Variants in SHISA6 observed in about 807,000 individuals in gnomAD.
SHISA6 encodes shisa family member 6.
Under a neutral mutation model 47.9 loss-of-function variants are expected in SHISA6, and 22 were observed. The ratio of observed to expected loss-of-function variants is 0.46; its 90% CI spans 0.33 to 0.66. The LOEUF is 0.66. Ranked by LOEUF, SHISA6 falls within the 30% of genes least tolerant of loss-of-function variation. The probability of loss-of-function intolerance (pLI) is 0.02; values close to 1 mark genes in which losing one functional copy is unlikely to be tolerated. For missense variants in SHISA6, 680 were observed against 764.6 expected, an observed-to-expected ratio of 0.89 and a Z score of 1.30; for synonymous variants, 388 against 337.8, an observed-to-expected ratio of 1.15 and a Z score of -1.63.
chr17:11,304,183 G>T (rs373649868), intron 2 of SHISA6, among the ~76,000 whole-genome samples: 202 of 152,322 alleles, frequency 1.3e-3, no homozygotes, highest in African/African-American at 4.4e-3. Flanking sequence ...CTTTGCTCTA[G>T]GGGAGCTGCC....
chr17:11,335,580 A>G (rs1193366098), intron 2 of SHISA6, among the ~76,000 whole-genome samples: 6 of 152,066 alleles, frequency 3.9e-5, no homozygotes, highest in African/African-American at 1.4e-4. Flanking sequence ...GAATCCATGG[A>G]TCTCTTTTTC....
intron 2 of SHISA6, among the ~76,000 whole-genome samples, chr17:11,341,328 C>T (rs865791931): frequency 6.8e-5 from 6 of 88,818 alleles, no homozygotes; most frequent in African/African-American, 1.3e-4. Flanking sequence ...CTCTCTCTCT[C>T]TTTTTTTTTT....
At chr17:11,263,101 G>A (rs983224621) in intron 1 of SHISA6, among the ~76,000 whole-genome samples, 14 of 152,146 alleles carry the variant, frequency 9.2e-5, no homozygotes, top group Non-Finnish European at 1.3e-4. Flanking sequence ...ATTTTGAAAG[G>A]GCTCAGAGTT....
chr17:11,414,859 G>C (rs140923851), intron 3 of SHISA6, among the ~76,000 whole-genome samples: 2 of 151,732 alleles, frequency 1.3e-5, no homozygotes, highest in Non-Finnish European at 2.9e-5. Flanking sequence ...AGGCCCAGGC[G>C]GGTGAATCAT....
intron 3 of SHISA6, among the ~76,000 whole-genome samples, chr17:11,491,374 C>T (rs949209935): frequency 9.2e-5 from 14 of 152,104 alleles, no homozygotes; most frequent in African/African-American, 9.7e-5. Context: ...AATCACGGCC[C>T]ACTGCAGCCT....
At chr17:11,377,288 A>G (rs1047172949) in intron 2 of SHISA6, among the ~76,000 whole-genome samples, 2 of 152,186 alleles carry the variant, frequency 1.3e-5, no homozygotes, top group Admixed American at 6.5e-5. Flanking sequence ...GTTCTATAAA[A>G]GTGAGGGTTG....
intron 3 of SHISA6, among the ~76,000 whole-genome samples, chr17:11,407,824 G>A (rs1404210143): frequency 6.6e-6 from 1 of 152,080 alleles, no homozygotes; most frequent in Non-Finnish European, 1.5e-5. Flanking sequence ...CAACCCCTTG[G>A]CTTTATGAGG....
chr17:11,481,360 GTGTGTGTA>G (rs1462263528), intron 3 of SHISA6, among the ~76,000 whole-genome samples: 34 of 111,592 alleles, frequency 3.0e-4, no homozygotes, highest in African/African-American at 5.6e-4. Context: ...GTGTGTGTGT[GTGTGTGTA>G]TATATATATA....
intron 3 of SHISA6, among the ~76,000 whole-genome samples, chr17:11,508,441 CT>C (rs1433264087): frequency 2.1e-5 from 2 of 96,658 alleles, no homozygotes; most frequent in Non-Finnish European, 4.5e-5. Flanking sequence ...CTAATCACCT[CT>C]TAAAGGACCT....
intron 3 of SHISA6, among the ~76,000 whole-genome samples, chr17:11,439,426 G>A (rs958687320): frequency 2.0e-5 from 3 of 152,084 alleles, no homozygotes; most frequent in African/African-American, 7.2e-5. Flanking sequence ...GAAAGCCTTA[G>A]CATGCAGCAG....
chr17:11,323,603 G>A (rs370874269), intron 2 of SHISA6, among the ~76,000 whole-genome samples: 6 of 152,032 alleles, frequency 3.9e-5, no homozygotes, highest in Non-Finnish European at 5.9e-5. Flanking sequence ...GCAGTGAGCC[G>A]AGATCGCGCC....
chr17:11,466,808 C>T (rs1247782453), intron 3 of SHISA6, among the ~76,000 whole-genome samples: 1 of 151,890 alleles, frequency 6.6e-6, no homozygotes, highest in Non-Finnish European at 1.5e-5. Flanking sequence ...CCACGGGGAC[C>T]GTTCTCAGCC....
chr17:11,501,318 G>C (rs1367993204), intron 3 of SHISA6, among the ~76,000 whole-genome samples: 1 of 151,968 alleles, frequency 6.6e-6, no homozygotes, highest in Non-Finnish European at 1.5e-5. Context: ...CACCATGTTG[G>C]TCAGGCTGGT....
At position 11,561,148 on chromosome 17, in the gene SHISA6, G is replaced by C. The variant is rs1412842279; in HGVS notation, c.*2844G>C. 6.6e-6 allele frequency: 1 copy of C among 152,212 alleles called. No homozygotes were observed. The highest frequency in any genetic ancestry group is 1.5e-5 in the Non-Finnish European group (1 of 68,054). 9.4% of individuals were successfully genotyped at this position (152,212 alleles called of 1,614,324 possible). On this transcript the variant is annotated 3_prime_UTR_variant, in exon 6 of 6. Transcript: ENST00000441885. ...AAGAGGCTTCTGGGGCTGGAACCTAGATGCCATGATTTCTAGCCCAACCAG... is the reference window on the plus strand; with the variant it reads ...AAGAGGCTTCTGGGGCTGGAACCTACATGCCATGATTTCTAGCCCAACCAG...
intron 3 of SHISA6, among the ~76,000 whole-genome samples, chr17:11,532,739 C>CTTTTTTTTTTTTT (rs71142217): frequency 1.1e-4 from 8 of 71,306 alleles, no homozygotes; most frequent in Non-Finnish European, 7.2e-5. Flanking sequence ...TCTATCAGGG[C>CTTTTTTTTTTTTT]TTTTTTTTTT....
intron 2 of SHISA6, among the ~76,000 whole-genome samples, chr17:11,321,862 T>C (rs115118434): frequency 1.3e-5 from 2 of 152,054 alleles, no homozygotes; most frequent in African/African-American, 4.8e-5. Flanking sequence ...ACATTGAGAG[T>C]TTTTTGTAAT....
chr17:11,295,701 T>C (rs1490239588), intron 2 of SHISA6, among the ~76,000 whole-genome samples: 3 of 152,100 alleles, frequency 2.0e-5, no homozygotes, highest in Non-Finnish European at 2.9e-5. Flanking sequence ...CGGTGGCTCA[T>C]GCCTGTAATC....
intron 2 of SHISA6, among the ~76,000 whole-genome samples, chr17:11,335,664 G>A (rs761458777): frequency 4.6e-5 from 7 of 152,086 alleles, no homozygotes; most frequent in Non-Finnish European, 1.0e-4. Context: ...CCCTCCCAAG[G>A]AAACTGGAAT....
At chr17:11,405,968 T>C (rs1913943196) in intron 3 of SHISA6, among the ~76,000 whole-genome samples, 2 of 152,142 alleles carry the variant, frequency 1.3e-5, no homozygotes, top group African/African-American at 2.4e-5. Context: ...CATATGTTTT[T>C]CCAGACAGCT....
Sources: allele counts gnomAD v4.1 joint callset (sites outside exome capture counted in the v4.1 genomes callset), GRCh38; gene constraint gnomAD v4.1.1; transcripts MANE v1.5; gene names NCBI Gene and HGNC (gene_info 2026-07-23, HGNC 2026-07-21).